The following GALNT9 variants were observed in gnomAD, a reference collection of about 807,000 sequenced individuals.
GALNT9 encodes GalNAc transferase 9.
GALNT9 carries 47 observed loss-of-function variants against 63.1 expected under a neutral mutation model. The ratio of observed to expected loss-of-function variants is 0.75; its 90% CI spans 0.59 to 0.95. The LOEUF (loss-of-function observed/expected upper bound fraction) is 0.95, where lower values mean the gene tolerates loss of function less well. GALNT9 is among the 40% of genes least tolerant of loss of function. The pLI is 0.00. For synonymous variants in GALNT9, 396 were observed against 365.7 expected (o/e 1.08, Z -0.94); for missense variants, 829 against 874.8 (o/e 0.95, Z 0.66).
At chr12:132,218,310 A>G (rs1185159386) in intron 6 of GALNT9, among the ~76,000 whole-genome samples, 5 of 152,130 alleles carry the variant, frequency 3.3e-5, no homozygotes. Flanking sequence ...CCAGAGGTCC[A>G]GGCTGACGCG....
rs746359384 is a variant in GALNT9, at chr12:132,197,886, T to C, written c.1571A>G (p.Lys524Arg). The change falls in exon 10 of 11, where the codon AAG becomes AGG. Residue 524 changes from lysine (K) to arginine (R), a missense_variant. Physicochemically the swap from Lys to Arg is conservative, Grantham distance 26 (BLOSUM62 2). Coordinates refer to ENST00000328957, the MANE Select transcript of GALNT9 (RefSeq NM_001122636.2). ...LGSTAFLPDS[K>R]CLVDDGTGRM... ...GCCCGTGCCGTCATCCACCAGACACTTGGAGTCAGGCAAGAAGGCTGTGGA... is the reference window on the plus strand; with the variant it reads ...GCCCGTGCCGTCATCCACCAGACACCTGGAGTCAGGCAAGAAGGCTGTGGA... The C allele has an allele frequency of 5.0e-6, 8 of 1,611,578 alleles. No individual in the cohort carries two copies. The Admixed American group carries it at 5.0e-5, about 10-fold the overall frequency.
chr12:132,313,603 C>A (rs1312092150), intron 1 of GALNT9, among the ~76,000 whole-genome samples: 1 of 145,394 alleles, frequency 6.9e-6, no homozygotes, highest in East Asian at 2.2e-4. Context: ...CCCATCCACC[C>A]AGACATCCAC....
At chr12:132,253,724 T>C (rs188229219) in intron 5 of GALNT9, among the ~76,000 whole-genome samples, 20 of 152,320 alleles carry the variant, frequency 1.3e-4, no homozygotes, top group Admixed American at 9.8e-4. Flanking sequence ...TTGCCCACAG[T>C]GAAAATTGTT....
chr12:132,229,213 G>A (rs1473794300), intron 6 of GALNT9, among the ~76,000 whole-genome samples: 6 of 152,208 alleles, frequency 3.9e-5, no homozygotes, highest in African/African-American at 1.4e-4. Flanking sequence ...TGGCCGCTCC[G>A]TGCACCGTTC....
At chr12:132,326,801 C>T (rs1244293727) in intron 1 of GALNT9, among the ~76,000 whole-genome samples, 1 of 152,238 alleles carries the variant, frequency 6.6e-6, no homozygotes, top group Non-Finnish European at 1.5e-5. Flanking sequence ...CTGGCCGCCT[C>T]CTCCAGGGAG....
intron 2 of GALNT9, among the ~76,000 whole-genome samples, chr12:132,272,532 T>C (rs1879908835): frequency 6.6e-6 from 1 of 152,214 alleles, no homozygotes; most frequent in Non-Finnish European, 1.5e-5. Context: ...ATGCTCTTAC[T>C]TCATGCCATT....
In GALNT9 at chr12:132,329,416, T is replaced by G. The variant is rs1869200483; in HGVS notation, c.-213A>C. 1 of 511,042 alleles carries G rather than the reference T, an allele frequency of 2.0e-6. No homozygotes were observed. Among genetic ancestry groups the G allele is most frequent in the Non-Finnish European group, 2.8e-6 (1 of 353,314 alleles). 31.7% of individuals were successfully genotyped at this position (511,042 alleles called of 1,614,324 possible). A position where few individuals can be genotyped will look rare whatever the true frequency, so the allele number is the denominator to read the frequency against. ...CGCAGAGGGCTGCCCGGGGCTGGGG[T>G]CGCGGGGCGCGGCCGGCATCCCCCG... On this transcript the variant is annotated 5_prime_UTR_variant, in exon 1 of 11. Coordinates refer to ENST00000328957, the MANE Select transcript of GALNT9 (RefSeq NM_001122636.2).
chr12:132,329,164 T>A lies in GALNT9; in HGVS notation c.40A>T (p.Asn14Tyr). Residue 14 changes from asparagine to tyrosine, a missense_variant, in exon 1 of 11, where the codon AAC (asparagine) becomes TAC (tyrosine). By Grantham distance (143) the Asn-to-Tyr change is moderately radical. Coordinates refer to ENST00000328957, the MANE Select transcript of GALNT9 (RefSeq NM_001122636.2). Reference sequence around the variant, plus strand: ...ACGATGCCCACGAACACCAGGATGTTCACCGTCAGCAAAGTTCGGATCTTC... The same window carrying A: ...ACGATGCCCACGAACACCAGGATGTACACCGTCAGCAAAGTTCGGATCTTC... Reference protein sequence around the residue: ...ARKIRTLLTVNILVFVGIVLF... With the variant: ...ARKIRTLLTVYILVFVGIVLF... 6.5e-7 allele frequency: 1 copy of A among 1,548,946 alleles called. No homozygotes were observed. The highest frequency in any genetic ancestry group is 8.7e-7 in the Non-Finnish European group (1 of 1,146,186).
Position 132,245,918 on chromosome 12 carries a change from G to A in GALNT9, c.1077+1992C>T, listed in dbSNP as rs149487571. Among the ~76,000 whole-genome samples, 10 of 152,276 alleles carry A rather than the reference G, an allele frequency of 6.6e-5. No individual in the cohort carries two copies. The highest frequency in any genetic ancestry group is 2.4e-4 in the African/African-American group (10 of 41,556). ...TCTGCTGGGTGCCCTCCACCCCAGGGGTCCCGTCCTCCCTCGCTCTTCGGC... is the reference window on the plus strand; with the variant it reads ...TCTGCTGGGTGCCCTCCACCCCAGGAGTCCCGTCCTCCCTCGCTCTTCGGC... On this transcript the variant is annotated intron_variant, in intron 6 of 10. Coordinates refer to ENST00000328957, the MANE Select transcript of GALNT9 (RefSeq NM_001122636.2). The surrounding 1 kb of genome is among the most constrained non-coding windows in gnomAD (Gnocchi z 6.3).
intron 5 of GALNT9, among the ~76,000 whole-genome samples, chr12:132,251,079 C>T (rs899939770): frequency 2.0e-5 from 3 of 152,354 alleles, no homozygotes; most frequent in Middle Eastern, 3.4e-3. Context: ...ATAACGCACA[C>T]TGAAACCTCG....
At chr12:132,198,793 G>A (rs1271436522) in intron 9 of GALNT9, among the ~76,000 whole-genome samples, 4 of 152,114 alleles carry the variant, frequency 2.6e-5, no homozygotes, top group East Asian at 3.9e-4. Flanking sequence ...CTGGGAATAC[G>A]GGCATGCCCC....
chr12:132,319,950 G>A lies in GALNT9; in HGVS notation c.238+9016C>T, dbSNP rs1868704358. On this transcript the variant is annotated intron_variant, in intron 1 of 10. Coordinates refer to ENST00000328957, the MANE Select transcript of GALNT9 (RefSeq NM_001122636.2). The surrounding 1 kb of genome is among the most constrained non-coding windows in gnomAD (Gnocchi z 5.2). ...ACGAGGCAGGCGCTCCTAAGGAAAA[G>A]GGGGCGGCCAGCGGCCCCCACCGCT... Among the ~76,000 whole-genome samples, 1 of 152,210 alleles carries A rather than the reference G, an allele frequency of 6.6e-6. No homozygotes were observed. The highest frequency in any genetic ancestry group is 1.5e-5 in the Non-Finnish European group (1 of 68,022).
Position 132,285,876 on chromosome 12 carries a change from GGA to G in GALNT9, c.419+372_419+373del, listed in dbSNP as rs1880563947. Among the ~76,000 whole-genome samples, 3 of 152,156 alleles carry G rather than the reference GGA, an allele frequency of 2.0e-5. No individual in the cohort carries two copies. The South Asian group carries it at 6.2e-4, about 32-fold the overall frequency. ...GAGAGATACAGAGAGATTGAGAGAA[GGA>G]GAGAGGGAGAGACAGAGAGAGACAG... is the stretch of plus-strand genomic sequence containing the variant. On this transcript the variant is annotated intron_variant, in intron 2 of 10. Coordinates refer to ENST00000328957, the MANE Select transcript of GALNT9 (RefSeq NM_001122636.2).
chr12:132,326,915 G>A (rs79281246), intron 1 of GALNT9, among the ~76,000 whole-genome samples: 47 of 152,296 alleles, frequency 3.1e-4, no homozygotes, highest in African/African-American at 1.1e-3. Flanking sequence ...CTACGGCACC[G>A]CCCTCCCCGT....
intron 2 of GALNT9, chr12:132,284,095 G>A (rs115727751): frequency 0.016 from 2,352 of 149,534 alleles, 38 homozygotes; most frequent in African/African-American, 0.039. Context: ...GCACACACAC[G>A]CATGTACACA....
At chr12:132,225,125 ACAC>A (rs1482204301) in intron 6 of GALNT9, among the ~76,000 whole-genome samples, 1 of 127,794 alleles carries the variant, frequency 7.8e-6, no homozygotes, top group Non-Finnish European at 1.6e-5. Context: ...TATACATACC[ACAC>A]AACTCACACC....
rs1482760969 is a variant in GALNT9 at position 132,282,592 on chromosome 12, TTGA to T, written c.419+3655_419+3657del. Among the ~76,000 whole-genome samples, 3 of 152,066 alleles carry T rather than the reference TTGA, an allele frequency of 2.0e-5. No individual in the cohort carries two copies. The highest frequency in any genetic ancestry group is 4.4e-5 in the Non-Finnish European group (3 of 68,024). ...CCTGGAAGCTCCAAGCTCTCCCCTCTTGATGATAAGGTTGCTGCAGCTCCCCCA... is the reference window on the plus strand; with the variant it reads ...CCTGGAAGCTCCAAGCTCTCCCCTCTTGATAAGGTTGCTGCAGCTCCCCCA... On this transcript the variant is annotated intron_variant, in intron 2 of 10. Transcript: ENST00000328957. The surrounding 1 kb of genome is among the most constrained non-coding windows in gnomAD (Gnocchi z 4.5).
At chr12:132,203,731 G>A (rs762462932) in intron 6 of GALNT9, 41 bp from the exon 7 acceptor site, 52 of 1,594,862 alleles carry the variant, frequency 3.3e-5, no homozygotes, top group East Asian at 4.5e-5. Flanking sequence ...CCTTCCCAAC[G>A]GAAGCGGGCA....
chr12:132,326,029 A>G (rs1869021859), intron 1 of GALNT9, among the ~76,000 whole-genome samples: 2 of 152,260 alleles, frequency 1.3e-5, no homozygotes, highest in South Asian at 4.1e-4. Context: ...AGCGCTGCCC[A>G]GGCCTCGCAT....
Sources: gnomAD v4.1 joint callset for allele counts (sites outside exome capture counted in the v4.1 genomes callset) on GRCh38, gnomAD v4.1.1 for gene constraint, Gnocchi (gnomAD v3.1) non-coding constraint, MANE v1.5 for transcripts, NCBI Gene and HGNC (gene_info 2026-07-23, HGNC 2026-07-21) for gene names.